RAB5B: variants seen among roughly 807,000 people sequenced by gnomAD.
RAB5B encodes the protein RAB5B, member RAS oncogene family, also known as ras-related protein Rab-5B.
A neutral mutation model predicts 28.6 loss-of-function variants in RAB5B; 11 were observed. The observed-to-expected ratio is 0.38, with a 90% CI of 0.24 to 0.64. The LOEUF is 0.64. Ranked by LOEUF, RAB5B falls within the 30% of genes least tolerant of loss-of-function variation. The pLI is 0.53. For synonymous variants in RAB5B, 93 were observed against 97.9 expected (o/e 0.95, Z 0.29); for missense variants, 169 against 265.6 (o/e 0.64, Z 2.53).
Position 55,991,479 on chromosome 12 carries a change from T to G in RAB5B, c.532+26T>G, listed in dbSNP as rs753702981. On this transcript the variant is annotated intron_variant, in intron 5 of 5. Transcript: ENST00000360299. Reference sequence around the variant, plus strand: ...GTAAGGTCAGAACATCCTGAGGTCCTCCTTTTTCCCTCGTTTATAGGCAAA... The same window carrying G: ...GTAAGGTCAGAACATCCTGAGGTCCGCCTTTTTCCCTCGTTTATAGGCAAA... 3.2e-6 allele frequency: 5 copies of G among 1,581,554 alleles called. No homozygotes were observed. The Admixed American group carries it at 8.4e-5, about 26-fold the overall frequency.
At position 55,987,031 on chromosome 12, in the gene RAB5B, T is replaced by G; in HGVS notation, c.71T>G (p.Val24Gly). 6.2e-7 allele frequency: 1 copy of G among 1,613,896 alleles called. No individual in the cohort carries two copies. The highest frequency in any genetic ancestry group is 8.5e-7 in the Non-Finnish European group (1 of 1,179,938). ...QASKICQFKL[V>G]LLGESAVGKS... is the part of the protein sequence containing the mutation. ...AGCAAAATTTGCCAGTTCAAATTGG[T>G]CCTGCTGGGAGAATCTGCAGTGGGA... Residue 24 changes from valine (V) to glycine (G), a missense_variant, in exon 2 of 6, where the codon GTC becomes GGC. Physicochemically the swap from Val to Gly is moderately radical, Grantham distance 109. This residue lies in a region of RAB5B where 43 missense variants were observed against 85.8 expected (regional missense o/e 0.50). Coordinates refer to ENST00000360299, the MANE Select transcript of RAB5B (RefSeq NM_002868.4).
At chr12:55,980,996 A>G (rs936974169) in intron 1 of RAB5B, 1 of 1,614,000 alleles carries the variant, frequency 6.2e-7, no homozygotes, top group African/African-American at 1.3e-5. Flanking sequence ...GTCCCCGATC[A>G]GCAGCAACTT....
In RAB5B at chr12:55,992,140, A is replaced by G. The variant is rs1389977725; in HGVS notation, c.576A>G (p.Ala192=). The change falls in exon 6 of 6, where the codon GCA becomes GCG. Residue 192 remains alanine (A), a synonymous_variant. Transcript: ENST00000360299. ...PKSEPQNLGG[A]AGRSRGVDLH... ...GTGAACCCCAGAATCTGGGAGGTGC[A>G]GCAGGCCGAAGCCGGGGTGTGGATC... is the stretch of plus-strand genomic sequence containing the variant. 1 of 1,614,086 alleles carries G rather than the reference A, an allele frequency of 6.2e-7. No individual in the cohort carries two copies. Among genetic ancestry groups the G allele is most frequent in the Admixed American group, 1.7e-5 (1 of 60,002 alleles).
At chr12:55,981,874 C>G (rs540626876) in intron 1 of RAB5B, among the ~76,000 whole-genome samples, 1 of 151,350 alleles carries the variant, frequency 6.6e-6, no homozygotes, top group South Asian at 2.1e-4. Flanking sequence ...AAGTCTCGAC[C>G]CACTGCAGCC....
At chr12:55,978,447 T>C (rs1592793187) in intron 1 of RAB5B, among the ~76,000 whole-genome samples, 1 of 150,754 alleles carries the variant, frequency 6.6e-6, no homozygotes, top group East Asian at 2.0e-4. Context: ...GAGCTTGCAG[T>C]GAGCCGAGAT....
Position 55,986,911 on chromosome 12 carries a change from C to CCCG in RAB5B, c.-50_-49insCCG. ...AATCCCCTCCCCTTCCCCCTCCCCC[C>CCCG]TTTACAGTATCCCCCTCCCTCCACC... On this transcript the variant is annotated 5_prime_UTR_variant, in exon 2 of 6. Coordinates refer to ENST00000360299, the MANE Select transcript of RAB5B (RefSeq NM_002868.4). 1 of 752,548 alleles carries CCCG rather than the reference C, an allele frequency of 1.3e-6. No individual in the cohort carries two copies. Among genetic ancestry groups the CCCG allele is most frequent in the Non-Finnish European group, 2.3e-6 (1 of 439,138 alleles). 46.6% of individuals were successfully genotyped at this position (752,548 alleles called of 1,614,324 possible).
intron 3 of RAB5B, 61 bp downstream of exon 3, chr12:55,990,159 C>T (rs1487080115): frequency 6.6e-7 from 1 of 1,520,796 alleles, no homozygotes; most frequent in Non-Finnish European, 8.9e-7. Context: ...CCTATAATCC[C>T]AACACTTTAG....
rs1299546485 is a variant in RAB5B, at chr12:55,993,326, C to CTACTCAAGT, written c.*1115_*1123dup. The CTACTCAAGT allele has an allele frequency of 6.6e-6, 1 of 152,612 alleles. No homozygotes were observed. Among genetic ancestry groups the CTACTCAAGT allele is most frequent in the East Asian group, 1.9e-4 (1 of 5,196 alleles). The allele number at this position is 152,612 out of a possible 1,614,324, so 9.5% of individuals were successfully genotyped here. On this transcript the variant is annotated 3_prime_UTR_variant, in exon 6 of 6. Coordinates refer to ENST00000360299, the MANE Select transcript of RAB5B (RefSeq NM_002868.4). ...TTATAGATAAAACTACCAGTGGCAG[C>CTACTCAAGT]TACTCAAGTCCTATCTCCACTGTTA... is the stretch of plus-strand genomic sequence containing the variant.
At position 55,985,527 on chromosome 12, in the gene RAB5B, A is replaced by G. The variant is rs181859004; in HGVS notation, c.-92-1342A>G. ...TTCCTTTCCGCTCAGAGTCAGGATG[A>G]TGAAATGTATTCAGATTTAGACGAT... On this transcript the variant is annotated intron_variant, in intron 1 of 5. Coordinates refer to ENST00000360299, the MANE Select transcript of RAB5B (RefSeq NM_002868.4). 2.1e-3 allele frequency: 606 copies of G among 293,868 alleles called. 11 individuals carry two copies. The Admixed American group carries it at 0.025, about 12-fold the overall frequency. The allele number at this position is 293,868 out of a possible 1,614,324, so 18.2% of individuals were successfully genotyped here.
Position 55,977,019 on chromosome 12 carries a change from G to C in RAB5B, c.-93+2880G>C, listed in dbSNP as rs1003169945. 3.9e-5 allele frequency among the ~76,000 whole-genome samples: 6 copies of C among 152,240 alleles called. No individual in the cohort carries two copies. The East Asian group carries it at 1.2e-3, about 29-fold the overall frequency. On this transcript the variant is annotated intron_variant, in intron 1 of 5. Coordinates refer to ENST00000360299, the MANE Select transcript of RAB5B (RefSeq NM_002868.4). ...GACGGAGTTTCACTTTTGTCACCCA[G>C]GCTGGAGTGCAGTGGCATGATCTCG...
intron 1 of RAB5B, among the ~76,000 whole-genome samples, chr12:55,978,260 G>A (rs182352198): frequency 6.6e-6 from 1 of 152,330 alleles, no homozygotes; most frequent in African/African-American, 2.4e-5. Flanking sequence ...AGCACTTTGG[G>A]AGGCTGAGGC....
At chr12:55,975,727 A>G (rs1889626316) in intron 1 of RAB5B, among the ~76,000 whole-genome samples, 1 of 147,024 alleles carries the variant, frequency 6.8e-6, no homozygotes, top group Non-Finnish European at 1.5e-5. Flanking sequence ...AGCCTATTGG[A>G]TTTTCCCTTA....
intron 1 of RAB5B, among the ~76,000 whole-genome samples, chr12:55,978,179 G>T (rs916385102): frequency 6.6e-6 from 1 of 152,180 alleles, no homozygotes; most frequent in African/African-American, 2.4e-5. Flanking sequence ...GCCAGGGAGA[G>T]AATTGATTCT....
rs1889992141 is a variant in RAB5B at position 55,987,706 on chromosome 12, C to T, written c.163+583C>T. On this transcript the variant is annotated intron_variant, in intron 2 of 5. Transcript: ENST00000360299. ...ATTAGCCAGGCGTGGTGGCAGGCGCCTGTAATCCCAGCTACTCGGGAGGCT... is the reference window on the plus strand; with the variant it reads ...ATTAGCCAGGCGTGGTGGCAGGCGCTTGTAATCCCAGCTACTCGGGAGGCT... Among the ~76,000 whole-genome samples the T allele has an allele frequency of 4.0e-5, 6 of 151,828 alleles. No individual in the cohort carries two copies. In the East Asian group the frequency reaches 1.2e-3, roughly 30 times the overall value.
chr12:55,974,088 T>C lies in RAB5B; in HGVS notation c.-144T>C, dbSNP rs955661073. ...CAGGAGGGTTTGGTTGAGCTGCAGC[T>C]GTTTGTCTGTTCGACACAGGCTTGG... On this transcript the variant is annotated 5_prime_UTR_variant, in exon 1 of 6. Transcript: ENST00000360299. 6.6e-6 allele frequency: 1 copy of C among 152,510 alleles called. No individual in the cohort carries two copies. Among genetic ancestry groups the C allele is most frequent in the Non-Finnish European group, 1.5e-5 (1 of 68,218 alleles). 9.4% of individuals were successfully genotyped at this position (152,510 alleles called of 1,614,324 possible).
In RAB5B at chr12:55,995,982, T is replaced by C. The variant is rs1565793076; in HGVS notation, c.*3770T>C. 1 of 111,140 alleles carries C rather than the reference T, an allele frequency of 9.0e-6. No individual in the cohort carries two copies. The highest frequency in any genetic ancestry group is 8.7e-5 in the Admixed American group (1 of 11,472). The allele number at this position is 111,140 out of a possible 1,614,324, so 6.9% of individuals were successfully genotyped here. A position where few individuals can be genotyped will look rare whatever the true frequency, so the allele number is the denominator to read the frequency against. On this transcript the variant is annotated 3_prime_UTR_variant, in exon 6 of 6. Transcript: ENST00000360299. ...CACTCTCTCTCTCTCCATATATATA[T>C]ACATATATATATATATATATATTTT...
intron 2 of RAB5B, among the ~76,000 whole-genome samples, chr12:55,988,126 G>T (rs775365176): frequency 1.3e-5 from 2 of 151,972 alleles, no homozygotes; most frequent in Admixed American, 1.3e-4. Flanking sequence ...TCCAGCCTGG[G>T]TGACTAGAGT....
rs1889928290 is a variant in RAB5B at position 55,985,525 on chromosome 12, TGATGAAATGTATTCA to T, written c.-92-1340_-92-1326del. The stretch of plus-strand genomic sequence containing the variant: ...AGTTCCTTTCCGCTCAGAGTCAGGA[TGATGAAATGTATTCA>T]GATTTAGACGATTAGAATCTCAAAG... On this transcript the variant is annotated intron_variant, in intron 1 of 5. Coordinates refer to ENST00000360299, the MANE Select transcript of RAB5B (RefSeq NM_002868.4). The T allele has an allele frequency of 1.7e-5, 5 of 290,282 alleles. No homozygotes were observed. The Admixed American group carries it at 2.4e-4, about 14-fold the overall frequency. 18.0% of individuals were successfully genotyped at this position (290,282 alleles called of 1,614,324 possible).
At chr12:55,982,595 G>A (rs568396665) in intron 1 of RAB5B, among the ~76,000 whole-genome samples, 7 of 152,256 alleles carry the variant, frequency 4.6e-5, no homozygotes, top group Admixed American at 2.0e-4. Context: ...TGTGCAGCCA[G>A]AACATACTCT....
Sources: gnomAD v4.1 joint callset for allele counts (sites outside exome capture counted in the v4.1 genomes callset) on GRCh38, gnomAD v4.1.1 for gene constraint, gnomAD v4.1.1 regional missense constraint, MANE v1.5 for transcripts, NCBI Gene and HGNC (gene_info 2026-07-23, HGNC 2026-07-21) for gene names.